The following RALYL variants were observed in gnomAD, a reference collection of about 807,000 sequenced individuals.
RALYL encodes RNA-binding Raly-like protein.
Under a neutral mutation model 35.1 loss-of-function variants are expected in RALYL, and 29 were observed. The ratio of observed to expected loss-of-function variants is 0.83; its 90% CI spans 0.61 to 1.13. The LOEUF (loss-of-function observed/expected upper bound fraction) is 1.13. Ranked by LOEUF, RALYL falls within the 50% of genes most tolerant of loss-of-function variation. RALYL has a pLI of 0.00. For synonymous variants in RALYL, 120 were observed against 127.6 expected (o/e 0.94, Z 0.40); for missense variants, 359 against 360.4 (o/e 1.00, Z 0.03).
intron 2 of RALYL, among the ~76,000 whole-genome samples, chr8:84,702,539 TCACACACA>T (rs10678224): frequency 3.7e-5 from 5 of 136,462 alleles, no homozygotes; most frequent in South Asian, 4.4e-4. Flanking sequence ...TCTCTCTCTC[TCACACACA>T]CACACACACA....
At chr8:84,512,501 T>G (rs1470182251) in intron 1 of RALYL, among the ~76,000 whole-genome samples, 2 of 152,118 alleles carry the variant, frequency 1.3e-5, no homozygotes, top group Admixed American at 1.3e-4. Context: ...CTCTGTTAAT[T>G]GTTTCCTTTA....
chr8:84,472,504 T>G (rs2052902293), intron 1 of RALYL, among the ~76,000 whole-genome samples: 1 of 152,140 alleles, frequency 6.6e-6, no homozygotes, highest in Non-Finnish European at 1.5e-5. Context: ...GGTCAAGAAA[T>G]GTACCTTAGT....
At chr8:84,640,037 G>A (rs1825981122) in intron 2 of RALYL, among the ~76,000 whole-genome samples, 1 of 151,920 alleles carries the variant, frequency 6.6e-6, no homozygotes, top group Non-Finnish European at 1.5e-5. Flanking sequence ...GAATAAATTT[G>A]TATAGCTTTG....
chr8:84,900,801 G>C (rs1845556035), intron 8 of RALYL, among the ~76,000 whole-genome samples: 2 of 152,160 alleles, frequency 1.3e-5, no homozygotes, highest in South Asian at 4.1e-4. Context: ...TAGTGTCATA[G>C]CAAAAATAGC....
intron 1 of RALYL, among the ~76,000 whole-genome samples, chr8:84,509,976 G>A (rs1447350679): frequency 3.3e-5 from 5 of 152,066 alleles, no homozygotes; most frequent in Non-Finnish European, 5.9e-5. Context: ...TCAATATTAG[G>A]TTGCCCATTC....
chr8:84,738,702 G>A (rs1444747049), intron 2 of RALYL, among the ~76,000 whole-genome samples: 2 of 151,926 alleles, frequency 1.3e-5, no homozygotes, highest in Admixed American at 1.3e-4. Flanking sequence ...GCATACTTTA[G>A]CACATTGTAA....
intron 2 of RALYL, among the ~76,000 whole-genome samples, chr8:84,750,861 CTG>C (rs1809816536): frequency 6.6e-6 from 1 of 152,104 alleles, no homozygotes; most frequent in African/African-American, 2.4e-5. Flanking sequence ...GCCTCCATAA[CTG>C]TAAGAAATAA....
chr8:84,870,767 G>A (rs992713720), intron 6 of RALYL, among the ~76,000 whole-genome samples: 2 of 152,064 alleles, frequency 1.3e-5, no homozygotes, highest in African/African-American at 4.8e-5. Flanking sequence ...ATTCCATCTA[G>A]AAACCACATG....
At chr8:84,291,846 A>T (rs1284816365) in intron 1 of RALYL, among the ~76,000 whole-genome samples, 2 of 151,302 alleles carry the variant, frequency 1.3e-5, no homozygotes, top group East Asian at 3.9e-4. Context: ...GTTAGTGAAG[A>T]GAAGATATCT....
chr8:84,798,072 C>T (rs560182372), intron 3 of RALYL, among the ~76,000 whole-genome samples: 1 of 152,276 alleles, frequency 6.6e-6, no homozygotes, highest in African/African-American at 2.4e-5. Context: ...CTTCACTCCA[C>T]TCTTTTCTTC....
chr8:84,882,032 A>G (rs568132192), intron 7 of RALYL, among the ~76,000 whole-genome samples: 1 of 152,124 alleles, frequency 6.6e-6, no homozygotes, highest in African/African-American at 2.4e-5. Context: ...ACATTGCAGT[A>G]TATTTCAAGG....
At chr8:84,882,437 G>C (rs1326580049) in intron 7 of RALYL, among the ~76,000 whole-genome samples, 1 of 151,944 alleles carries the variant, frequency 6.6e-6, no homozygotes, top group Non-Finnish European at 1.5e-5. Context: ...TTTGTGGTTT[G>C]GGATTGTCAT....
At chr8:84,213,071 A>G (rs1042409979) in intron 1 of RALYL, among the ~76,000 whole-genome samples, 14 of 152,188 alleles carry the variant, frequency 9.2e-5, no homozygotes, top group African/African-American at 2.7e-4. Context: ...GATACAATAG[A>G]TAACTGTCTT....
intron 1 of RALYL, among the ~76,000 whole-genome samples, chr8:84,499,066 A>T (rs1233939014): frequency 2.7e-5 from 4 of 150,762 alleles, no homozygotes; most frequent in Non-Finnish European, 4.4e-5. Flanking sequence ...TGAATGTAAC[A>T]TATAAAGACT....
intron 1 of RALYL, among the ~76,000 whole-genome samples, chr8:84,485,796 C>T (rs965528491): frequency 6.6e-6 from 1 of 152,044 alleles, no homozygotes; most frequent in Non-Finnish European, 1.5e-5. Context: ...CCTCTTCTCA[C>T]GACACCCTCT....
intron 2 of RALYL, among the ~76,000 whole-genome samples, chr8:84,732,683 T>TATATATATATACAC: frequency 7.5e-5 from 10 of 133,232 alleles, no homozygotes; most frequent in Admixed American, 5.1e-4. Flanking sequence ...TATATATATA[T>TATATATATATACAC]ACACACACAC....
At chr8:84,792,627 G>A (rs1821058622) in intron 3 of RALYL, among the ~76,000 whole-genome samples, 1 of 152,194 alleles carries the variant, frequency 6.6e-6, no homozygotes. Flanking sequence ...CTTCGACCCA[G>A]TACTCCCGTG....
At chr8:84,315,086 G>C (rs1843486995) in intron 1 of RALYL, among the ~76,000 whole-genome samples, 1 of 152,090 alleles carries the variant, frequency 6.6e-6, no homozygotes, top group African/African-American at 2.4e-5. Flanking sequence ...AGAGGATATA[G>C]ATAAAACTTT....
intron 2 of RALYL, among the ~76,000 whole-genome samples, chr8:84,736,682 T>C (rs1847371508): frequency 6.6e-6 from 1 of 152,066 alleles, no homozygotes; most frequent in Admixed American, 6.6e-5. Context: ...GATTCACAAT[T>C]ACATTTGATT....
Sources: gnomAD v4.1 joint callset for allele counts (sites outside exome capture counted in the v4.1 genomes callset) on GRCh38, gnomAD v4.1.1 for gene constraint, MANE v1.5 for transcripts, NCBI Gene and HGNC (gene_info 2026-07-23, HGNC 2026-07-21) for gene names.